The following CHD9 variants were observed in gnomAD, a reference collection of about 807,000 sequenced individuals.
CHD9 encodes the protein ATP-dependent chromatin remodeler CHD9.
Under a neutral mutation model 316.1 loss-of-function variants are expected in CHD9, and 77 were observed. The ratio of observed to expected loss-of-function variants is 0.24; its 90% CI spans 0.20 to 0.29. The LOEUF (loss-of-function observed/expected upper bound fraction) is 0.29, where lower values mean the gene tolerates loss of function less well. Among genes scored for constraint, CHD9 ranks in the 10% least tolerant of loss-of-function variants. The pLI, the probability that CHD9 is intolerant of heterozygous loss-of-function variation, is 1.00. For missense variants in CHD9, 2,763 were observed against 3,438.1 expected, an observed-to-expected ratio of 0.80 and a Z score of 4.91; for synonymous variants, 1,129 against 1,158.3, an observed-to-expected ratio of 0.97 and a Z score of 0.51.
chr16:53,291,145 C>T (rs552215006), intron 27 of CHD9, among the ~76,000 whole-genome samples: 37 of 152,090 alleles, frequency 2.4e-4, no homozygotes, highest in Non-Finnish European at 4.6e-4. Flanking sequence ...GAGATACCCA[C>T]AAAGGAATTA....
intron 2 of CHD9, among the ~76,000 whole-genome samples, chr16:53,206,273 C>G (rs1031480851): frequency 6.6e-6 from 1 of 151,356 alleles, no homozygotes; most frequent in Admixed American, 6.6e-5. Flanking sequence ...TTTTCTTGGT[C>G]GAGAAACCAA....
At chr16:53,144,555 G>A (rs536710945) in intron 1 of CHD9, among the ~76,000 whole-genome samples, 106 of 150,388 alleles carry the variant, frequency 7.0e-4, no homozygotes, top group African/African-American at 2.5e-3. Flanking sequence ...TTGAGATGGA[G>A]TCTGGCTCTG....
intron 24 of CHD9, among the ~76,000 whole-genome samples, chr16:53,280,501 A>G (rs2053301452): frequency 6.6e-6 from 1 of 151,798 alleles, no homozygotes; most frequent in Non-Finnish European, 1.5e-5. Context: ...GAAAGACAGT[A>G]CACTATGGGG....
chr16:53,135,119 A>G (rs1428537586), intron 1 of CHD9, among the ~76,000 whole-genome samples: 1 of 152,190 alleles, frequency 6.6e-6, no homozygotes, highest in African/African-American at 2.4e-5. Context: ...GGAAGAGAGA[A>G]AAATATGTTT....
At chr16:53,189,933 A>T (rs144907602) in intron 2 of CHD9, among the ~76,000 whole-genome samples, 1 of 152,034 alleles carries the variant, frequency 6.6e-6, no homozygotes, top group African/African-American at 2.4e-5. Context: ...GTTTTTTTGC[A>T]TCTATATTAT....
At chr16:53,096,500 AGTT>A (rs766905607) in intron 1 of CHD9, among the ~76,000 whole-genome samples, 79 of 152,134 alleles carry the variant, frequency 5.2e-4, no homozygotes, top group Non-Finnish European at 5.0e-4. Context: ...AAACTCTATA[AGTT>A]AAGTTCTATA....
At chr16:53,108,682 C>T (rs980568800) in intron 1 of CHD9, among the ~76,000 whole-genome samples, 8 of 151,910 alleles carry the variant, frequency 5.3e-5, no homozygotes, top group African/African-American at 1.9e-4. Context: ...TGAGATCAGC[C>T]TGGCCAACAT....
intron 4 of CHD9, among the ~76,000 whole-genome samples, chr16:53,225,866 A>T (rs62049764): frequency 1.3e-5 from 2 of 151,812 alleles, no homozygotes; most frequent in Non-Finnish European, 2.9e-5. Flanking sequence ...AATTAATTCT[A>T]TACCCAATAT....
chr16:53,222,768 A>G lies in CHD9; in HGVS notation c.1896+13A>G, dbSNP rs375057364. The G allele has an allele frequency of 7.3e-5, 93 of 1,269,590 alleles. No homozygotes were observed. The highest frequency in any genetic ancestry group is 4.9e-4 in the African/African-American group (33 of 67,368). 78.6% of individuals were successfully genotyped at this position (1,269,590 alleles called of 1,614,324 possible). On this transcript the variant is annotated intron_variant, in intron 4 of 38. Transcript: ENST00000447540. Reference sequence around the variant, plus strand: ...TCAAGACTCTCAAGTGAGTATTACAATTTTTTCTAGAAATGAAACACTGTT... The same window carrying G: ...TCAAGACTCTCAAGTGAGTATTACAGTTTTTTCTAGAAATGAAACACTGTT...
chr16:53,157,664 TA>T, intron 2 of CHD9, 123 bp downstream of exon 2: 1 of 909,208 alleles, frequency 1.1e-6, no homozygotes, highest in Non-Finnish European at 1.7e-6. Context: ...TAAGTGAACA[TA>T]CATATTTTGA....
At chr16:53,122,186 G>A (rs1397891823) in intron 1 of CHD9, 1 of 152,012 alleles carries the variant, frequency 6.6e-6, no homozygotes, top group Non-Finnish European at 1.5e-5. Context: ...ACACACACTT[G>A]TTCAATATTT....
In CHD9 at chr16:53,231,850, T is replaced by C; in HGVS notation, c.2511+66T>C. On this transcript the variant is annotated intron_variant, in intron 10 of 38. Transcript: ENST00000447540. ...TTGTTTATGTAAGTTATGATATTGC[T>C]AATAATTATATAATGTTTTACTTTC... The C allele has an allele frequency of 4.5e-6, 6 of 1,320,784 alleles. No homozygotes were observed. The South Asian group carries it at 8.9e-5, about 20-fold the overall frequency. 81.8% of individuals were successfully genotyped at this position (1,320,784 alleles called of 1,614,324 possible). A position where few individuals can be genotyped will look rare whatever the true frequency, so the allele number is the denominator to read the frequency against.
At chr16:53,267,606 A>T in intron 21 of CHD9, 116 bp downstream of exon 21, 1 of 735,722 alleles carries the variant, frequency 1.4e-6, no homozygotes, top group Non-Finnish European at 2.1e-6. Context: ...ATTTACTTTT[A>T]AAGTACTCTA....
At position 53,267,380 on chromosome 16, in the gene CHD9, A is replaced by G; in HGVS notation, c.4407A>G (p.Glu1469=). The G allele has an allele frequency of 1.2e-6, 2 of 1,613,128 alleles. No homozygotes were observed. The part of the protein sequence containing the change: ...ATKDELAELS[E]AESEGDEKPK... ...AAGATGAATTGGCTGAATTATCTGA[A>G]GCTGAAAGTGAAGGAGATGAAAAGC... Residue 1469 remains glutamate (E), a synonymous_variant, in exon 21 of 39, where the codon GAA becomes GAG. Transcript: ENST00000447540.
chr16:53,259,847 T>C (rs2050929868), intron 19 of CHD9, among the ~76,000 whole-genome samples: 1 of 152,088 alleles, frequency 6.6e-6, no homozygotes, highest in Non-Finnish European at 1.5e-5. Context: ...CCAGTTCACG[T>C]AAGGCAAATA....
At chr16:53,083,242 T>C (rs1229591649) in intron 1 of CHD9, among the ~76,000 whole-genome samples, 1 of 152,158 alleles carries the variant, frequency 6.6e-6, no homozygotes, top group African/African-American at 2.4e-5. Flanking sequence ...TTGCATAAAC[T>C]AAGGATGCAA....
At chr16:53,254,896 A>T (rs1331817194) in intron 18 of CHD9, among the ~76,000 whole-genome samples, 1 of 152,190 alleles carries the variant, frequency 6.6e-6, no homozygotes, top group Non-Finnish European at 1.5e-5. Context: ...TGTTTATATA[A>T]ACAATTTTCA....
Position 53,247,481 on chromosome 16 carries a change from G to A in CHD9, c.3643G>A (p.Glu1215Lys). ...SQMVRCLDIL[E>K]DYLIHKRYLY... ...AATGGTTCGTTGCCTTGACATTCTG[G>A]AGGACTATCTCATACATAAAAGGTA... The change falls in exon 16 of 39, where the codon GAG becomes AAG. Residue 1215 changes from glutamate to lysine, a missense_variant. Around this residue, in one of 15 missense-constraint regions of CHD9, gnomAD observed 155 missense variants for 291.8 expected, o/e 0.53. Coordinates refer to ENST00000447540, the MANE Select transcript of CHD9 (RefSeq NM_001308319.2). 6.2e-7 allele frequency: 1 copy of A among 1,601,822 alleles called. No individual in the cohort carries two copies. Among genetic ancestry groups the A allele is most frequent in the Non-Finnish European group, 8.5e-7 (1 of 1,173,242 alleles).
chr16:53,300,362 A>G (rs540495445), intron 30 of CHD9, among the ~76,000 whole-genome samples: 4 of 152,278 alleles, frequency 2.6e-5, no homozygotes, highest in African/African-American at 9.6e-5. Flanking sequence ...CAAAAAAAAA[A>G]AAAGAATTGC....
Sources: allele counts gnomAD v4.1 joint callset (sites outside exome capture counted in the v4.1 genomes callset), GRCh38; gene constraint gnomAD v4.1.1; regional missense constraint gnomAD v4.1.1; transcripts MANE v1.5; gene names NCBI Gene and HGNC (gene_info 2026-07-23, HGNC 2026-07-21).